The following FAM227B variants were observed in gnomAD, a reference collection of about 807,000 sequenced individuals.
FAM227B encodes the protein family with sequence similarity 227 member B.
In FAM227B, 88 loss-of-function variants were observed where a neutral mutation model predicts 73.8. The ratio of observed to expected loss-of-function variants is 1.19; its 90% CI spans 1.00 to 1.42. FAM227B has a LOEUF of 1.42. Ranked by LOEUF, FAM227B falls within the 40% of genes most tolerant of loss-of-function variation. The pLI, the probability that FAM227B is intolerant of heterozygous loss-of-function variation, is 0.00. For missense variants in FAM227B, 632 were observed against 590.9 expected (o/e 1.07, Z -0.72); for synonymous variants, 210 against 190.5 (o/e 1.10, Z -0.84).
chr15:49,458,906 T>C (rs1484187133), intron 11 of FAM227B, among the ~76,000 whole-genome samples: 2 of 152,202 alleles, frequency 1.3e-5, no homozygotes, highest in Non-Finnish European at 2.9e-5. Flanking sequence ...TATTTAGTAA[T>C]TATTTTTTAC....
chr15:49,537,539 T>C (rs931432785), intron 10 of FAM227B, among the ~76,000 whole-genome samples: 1 of 152,106 alleles, frequency 6.6e-6, no homozygotes, highest in Non-Finnish European at 1.5e-5. Context: ...AGAACTACCA[T>C]GTGACCCAGC....
At chr15:49,538,973 T>C (rs959233775) in intron 10 of FAM227B, among the ~76,000 whole-genome samples, 6 of 152,170 alleles carry the variant, frequency 3.9e-5, no homozygotes, top group African/African-American at 1.4e-4. Flanking sequence ...AGAAAATTAT[T>C]GCATTCTGTT....
intron 9 of FAM227B, among the ~76,000 whole-genome samples, chr15:49,543,332 C>T (rs1387283666): frequency 6.6e-6 from 1 of 152,038 alleles, no homozygotes; most frequent in Non-Finnish European, 1.5e-5. Flanking sequence ...TATTCATGTC[C>T]TTTGCCCACT....
intron 10 of FAM227B, among the ~76,000 whole-genome samples, chr15:49,540,923 A>C (rs1460894981): frequency 6.6e-6 from 1 of 152,130 alleles, no homozygotes; most frequent in Non-Finnish European, 1.5e-5. Context: ...GTTGTTTTCA[A>C]GTCTTTACCT....
At chr15:49,534,306 A>T (rs2060842202) in intron 10 of FAM227B, among the ~76,000 whole-genome samples, 1 of 151,904 alleles carries the variant, frequency 6.6e-6, no homozygotes, top group Non-Finnish European at 1.5e-5. Flanking sequence ...GTTCCACATG[A>T]ATTTGGCAAG....
chr15:49,601,722 C>T (rs1007886968), intron 3 of FAM227B, among the ~76,000 whole-genome samples: 1 of 152,124 alleles, frequency 6.6e-6, no homozygotes, highest in Non-Finnish European at 1.5e-5. Context: ...GCTATCAATA[C>T]TTGGTCTTAC....
chr15:49,366,874 T>C (rs1411046111), intron 13 of FAM227B, among the ~76,000 whole-genome samples: 1 of 152,208 alleles, frequency 6.6e-6, no homozygotes, highest in Non-Finnish European at 1.5e-5. Context: ...TTGGGATTCA[T>C]CTGAGTCCTT....
At chr15:49,342,650 T>G (rs1310704342) in intron 13 of FAM227B, among the ~76,000 whole-genome samples, 1 of 152,176 alleles carries the variant, frequency 6.6e-6, no homozygotes, top group Non-Finnish European at 1.5e-5. Flanking sequence ...CAAGGGTGTT[T>G]CTGTGGTAGA....
At chr15:49,383,543 G>A (rs1019915688) in intron 11 of FAM227B, among the ~76,000 whole-genome samples, 2 of 151,934 alleles carry the variant, frequency 1.3e-5, no homozygotes, top group Non-Finnish European at 2.9e-5. Context: ...TATTGCAATG[G>A]TCTTACACAA....
chr15:49,354,011 A>G (rs1439011259), intron 13 of FAM227B: 1 of 152,228 alleles, frequency 6.6e-6, no homozygotes, highest in African/African-American at 2.4e-5. Flanking sequence ...TAATGGTAAA[A>G]AGAATACAGA....
chr15:49,406,582 G>A (rs1437470899), intron 11 of FAM227B, among the ~76,000 whole-genome samples: 1 of 151,910 alleles, frequency 6.6e-6, no homozygotes, highest in Admixed American at 6.5e-5. Context: ...GCTGGCCGGG[G>A]TGGGGCTGGC....
chr15:49,412,158 A>G (rs930621644), intron 11 of FAM227B, among the ~76,000 whole-genome samples: 8 of 152,120 alleles, frequency 5.3e-5, no homozygotes, highest in African/African-American at 1.9e-4. Context: ...TAAGAAATGA[A>G]AGCTATAATC....
intron 11 of FAM227B, chr15:49,395,882 G>A (rs1347796839): frequency 1.3e-5 from 6 of 453,488 alleles, no homozygotes; most frequent in Non-Finnish European, 2.2e-5. Context: ...AATTTTCATG[G>A]CTGAGGATTC....
In FAM227B at chr15:49,328,584, T is replaced by G. The variant is rs750239325; in HGVS notation, c.1511A>C (p.Glu504Ala). ...SPSSTDNYNF[E>A]EEEY is the part of the protein sequence containing the mutation. Reference sequence around the variant, plus strand: ...TGGTTTCTCTTAGTATTCTTCTTCCTCAAAGTTGTAGTTGTCTGTTGATGA... The same window carrying G: ...TGGTTTCTCTTAGTATTCTTCTTCCGCAAAGTTGTAGTTGTCTGTTGATGA... Residue 504 changes from glutamate (E) to alanine (A), a missense_variant, in exon 16 of 16, where the codon GAG becomes GCG. By Grantham distance (107) the Glu-to-Ala change is moderately radical (BLOSUM62 -1). Coordinates refer to ENST00000299338, the MANE Select transcript of FAM227B (RefSeq NM_152647.3). The G allele has an allele frequency of 6.2e-7, 1 of 1,600,162 alleles. No homozygotes were observed. The highest frequency in any genetic ancestry group is 8.5e-7 in the Non-Finnish European group (1 of 1,170,870).
chr15:49,434,590 T>G (rs763011047), intron 11 of FAM227B: 8 of 151,672 alleles, frequency 5.3e-5, no homozygotes, highest in Non-Finnish European at 8.9e-5. Flanking sequence ...GTAACAGTAC[T>G]GCAAGATTGG....
intron 13 of FAM227B, among the ~76,000 whole-genome samples, chr15:49,363,006 T>C (rs1596551779): frequency 6.6e-6 from 1 of 152,360 alleles, no homozygotes; most frequent in Middle Eastern, 3.4e-3. Context: ...ATCAGTGCCA[T>C]GCTGTTTTGG....
At chr15:49,538,139 A>G (rs2070530139) in intron 10 of FAM227B, among the ~76,000 whole-genome samples, 1 of 152,218 alleles carries the variant, frequency 6.6e-6, no homozygotes, top group East Asian at 1.9e-4. Flanking sequence ...TTTTTCAACA[A>G]AAACTTTGCA....
intron 9 of FAM227B, among the ~76,000 whole-genome samples, chr15:49,556,823 C>A (rs2073749044): frequency 6.6e-6 from 1 of 152,170 alleles, no homozygotes; most frequent in African/African-American, 2.4e-5. Context: ...CACAGACATT[C>A]CCGCACTAAT....
intron 11 of FAM227B, among the ~76,000 whole-genome samples, chr15:49,451,123 C>T (rs74012380): frequency 6.6e-6 from 1 of 152,020 alleles, no homozygotes; most frequent in African/African-American, 2.4e-5. Flanking sequence ...AAACCAATTT[C>T]CTTTAGGGTT....
Sources: allele counts gnomAD v4.1 joint callset (sites outside exome capture counted in the v4.1 genomes callset), GRCh38; gene constraint gnomAD v4.1.1; transcripts MANE v1.5; gene names NCBI Gene and HGNC (gene_info 2026-07-23, HGNC 2026-07-21).